Variants in ADAM22 observed in about 807,000 individuals in gnomAD.
ADAM22 encodes disintegrin and metalloproteinase domain-containing protein 22.
Under a neutral mutation model 144.6 loss-of-function variants are expected in ADAM22, and 65 were observed. The observed-to-expected ratio is 0.45, with a 90% CI of 0.37 to 0.55. ADAM22 has a LOEUF of 0.55. Among genes scored for constraint, ADAM22 ranks in the 20% least tolerant of loss-of-function variants. The pLI is 0.00. For synonymous variants in ADAM22, 391 were observed against 412.6 expected (o/e 0.95, Z 0.63); for missense variants, 974 against 1,184.9 (o/e 0.82, Z 2.61).
chr7:88,161,947 A>G (rs1163515716), intron 22 of ADAM22, among the ~76,000 whole-genome samples: 1 of 152,046 alleles, frequency 6.6e-6, no homozygotes, highest in African/African-American at 2.4e-5. Context: ...CAGCAATCCT[A>G]TTACTGGGTA....
Position 88,202,668 on chromosome 7 carries a change from G to A in ADAM22, c.*6177G>A, listed in dbSNP as rs1851281539. 6.6e-6 allele frequency: 1 copy of A among 152,214 alleles called. No individual in the cohort carries two copies. Among genetic ancestry groups the A allele is most frequent in the African/African-American group, 2.4e-5 (1 of 41,460 alleles). 9.4% of individuals were successfully genotyped at this position (152,214 alleles called of 1,614,324 possible). On this transcript the variant is annotated 3_prime_UTR_variant, in exon 32 of 32. Coordinates refer to ENST00000413139, the MANE Select transcript of ADAM22 (RefSeq NM_001324418.2). The stretch of plus-strand genomic sequence containing the variant: ...ATATGGCAACTGCTTTCCTGAGCAA[G>A]TGTGATTTGTTTTATGGCTGTTCAA...
chr7:88,005,448 C>T (rs1793581774), intron 3 of ADAM22, among the ~76,000 whole-genome samples: 1 of 152,118 alleles, frequency 6.6e-6, no homozygotes, highest in Non-Finnish European at 1.5e-5. Context: ...GGATCTACTA[C>T]CTTCAAACAA....
intron 5 of ADAM22, among the ~76,000 whole-genome samples, chr7:88,111,564 C>T (rs1268936711): frequency 2.0e-5 from 3 of 152,018 alleles, no homozygotes; most frequent in Non-Finnish European, 2.9e-5. Flanking sequence ...CCTTAAAGCA[C>T]GGAGTTAAGT....
intron 3 of ADAM22, among the ~76,000 whole-genome samples, chr7:87,988,258 A>C (rs1788933713): frequency 6.6e-6 from 1 of 152,166 alleles, no homozygotes; most frequent in South Asian, 2.1e-4. Flanking sequence ...TGATGTTATG[A>C]AGGATGTCAT....
Position 87,968,600 on chromosome 7 carries a change from A to G in ADAM22, c.247-9736A>G, listed in dbSNP as rs555632616. Among the ~76,000 whole-genome samples, 138 of 152,196 alleles carry G rather than the reference A, an allele frequency of 9.1e-4. 1 individual carries two copies. The highest frequency in any genetic ancestry group is 3.3e-3 in the African/African-American group (137 of 41,544). On this transcript the variant is annotated intron_variant, in intron 2 of 31. Transcript: ENST00000413139. Reference sequence around the variant, plus strand: ...GCTGAGTATGGTGGCACATGCTTATAGTCCCAGCTACTCAGAGGGGCTGAG... The same window carrying G: ...GCTGAGTATGGTGGCACATGCTTATGGTCCCAGCTACTCAGAGGGGCTGAG...
chr7:88,007,442 T>G (rs1476428592), intron 3 of ADAM22, among the ~76,000 whole-genome samples: 3 of 152,068 alleles, frequency 2.0e-5, no homozygotes, highest in East Asian at 1.9e-4. Flanking sequence ...CATTGCCAAG[T>G]CAATCCTAAG....
chr7:88,001,133 C>A (rs1475889468), intron 3 of ADAM22, among the ~76,000 whole-genome samples: 1 of 152,164 alleles, frequency 6.6e-6, no homozygotes, highest in Non-Finnish European at 1.5e-5. Context: ...GAAACACATG[C>A]AGGAAAATAG....
chr7:88,153,184 A>G lies in ADAM22; in HGVS notation c.1682-37A>G, dbSNP rs377731870. 45 of 1,476,162 alleles carry G rather than the reference A, an allele frequency of 3.0e-5. No individual in the cohort carries two copies. In the African/African-American group the frequency reaches 4.2e-4, roughly 14 times the overall value. The allele number at this position is 1,476,162 out of a possible 1,614,324, so 91.4% of individuals were successfully genotyped here. A position where few individuals can be genotyped will look rare whatever the true frequency, so the allele number is the denominator to read the frequency against. ...CAAAGCTTTTGAGCAGCCAAATCGT[A>G]CTTCCCTCACTGATAGAAAATTTTT... On this transcript the variant is annotated intron_variant, in intron 20 of 31. Coordinates refer to ENST00000413139, the MANE Select transcript of ADAM22 (RefSeq NM_001324418.2).
At chr7:87,999,022 G>A (rs113673665) in intron 3 of ADAM22, among the ~76,000 whole-genome samples, 5 of 152,264 alleles carry the variant, frequency 3.3e-5, no homozygotes, top group East Asian at 1.9e-4. Context: ...ATCTGGCCCC[G>A]GGGTTGTTGA....
At chr7:88,042,378 G>T (rs942059104) in intron 3 of ADAM22, among the ~76,000 whole-genome samples, 2 of 151,708 alleles carry the variant, frequency 1.3e-5, no homozygotes, top group African/African-American at 4.8e-5. Flanking sequence ...GGATTATGTT[G>T]ATCTGGTATA....
intron 26 of ADAM22, among the ~76,000 whole-genome samples, chr7:88,173,133 T>A (rs1479361260): frequency 1.3e-5 from 2 of 151,978 alleles, no homozygotes; most frequent in African/African-American, 2.4e-5. Flanking sequence ...GCCCACACTT[T>A]AAAAAAATGA....
intron 2 of ADAM22, among the ~76,000 whole-genome samples, chr7:87,974,099 T>TA (rs1192673019): frequency 6.1e-4 from 79 of 129,412 alleles, no homozygotes; most frequent in Admixed American, 9.2e-4. Context: ...ATAATAAAAT[T>TA]AAAAAAAAAA....
intron 3 of ADAM22, among the ~76,000 whole-genome samples, chr7:88,023,753 C>T (rs1316370514): frequency 6.6e-6 from 1 of 152,072 alleles, no homozygotes; most frequent in South Asian, 2.1e-4. Context: ...TATAGTAACC[C>T]TGTTGTGCTA....
intron 5 of ADAM22, among the ~76,000 whole-genome samples, chr7:88,113,084 C>T (rs1046006335): frequency 1.3e-5 from 2 of 150,756 alleles, no homozygotes; most frequent in African/African-American, 4.9e-5. Context: ...AGGCCCATCC[C>T]GAAAAGTTCT....
intron 25 of ADAM22, 52 bp from the exon 26 acceptor site, chr7:88,171,488 TCCAG>T: frequency 2.0e-6 from 3 of 1,522,442 alleles, no homozygotes; most frequent in Non-Finnish European, 1.8e-6. Context: ...TTGATGTCCT[TCCAG>T]AGGTAACTAA....
intron 3 of ADAM22, among the ~76,000 whole-genome samples, chr7:87,986,121 T>G (rs569484209): frequency 1.3e-5 from 2 of 152,336 alleles, no homozygotes; most frequent in South Asian, 4.1e-4. Flanking sequence ...TTGAAACTTT[T>G]TAAGGGTTGG....
chr7:88,109,904 G>A (rs926656546), intron 5 of ADAM22, among the ~76,000 whole-genome samples: 2 of 152,168 alleles, frequency 1.3e-5, no homozygotes, highest in African/African-American at 4.8e-5. Context: ...CTAGGAAAGA[G>A]AGCTAATGGA....
chr7:88,140,781 A>T (rs928002108), intron 14 of ADAM22, among the ~76,000 whole-genome samples: 6 of 152,100 alleles, frequency 3.9e-5, no homozygotes, highest in African/African-American at 1.4e-4. Flanking sequence ...GGCTGCAGTG[A>T]GTGGAGATCA....
intron 3 of ADAM22, among the ~76,000 whole-genome samples, chr7:88,028,379 A>G (rs1418665025): frequency 1.3e-5 from 2 of 152,138 alleles, no homozygotes; most frequent in African/African-American, 4.8e-5. Flanking sequence ...AATGTTTTAA[A>G]GACTTGTTTT....
Sources: gnomAD v4.1 joint callset for allele counts (sites outside exome capture counted in the v4.1 genomes callset) on GRCh38, gnomAD v4.1.1 for gene constraint, MANE v1.5 for transcripts, NCBI Gene and HGNC (gene_info 2026-07-23, HGNC 2026-07-21) for gene names.